TTC28: variants seen among roughly 807,000 people sequenced by gnomAD.
TTC28 encodes the protein tetratricopeptide repeat protein 28.
Under a neutral mutation model 198.0 loss-of-function variants are expected in TTC28, and 61 were observed. That is an observed-to-expected ratio of 0.31 (90% CI 0.25 to 0.38). The LOEUF is 0.38. Ranked by LOEUF, TTC28 falls within the 10% of genes least tolerant of loss-of-function variation. The probability of loss-of-function intolerance (pLI) is 1.00; values close to 1 mark genes in which losing one functional copy is unlikely to be tolerated. For missense variants in TTC28, 2,678 were observed against 3,164.0 expected (o/e 0.85, Z 3.69); for synonymous variants, 1,171 against 1,297.8 (o/e 0.90, Z 2.10).
At chr22:28,608,790 A>C (rs1226719578) in intron 2 of TTC28, among the ~76,000 whole-genome samples, 1 of 152,178 alleles carries the variant, frequency 6.6e-6, no homozygotes, top group Non-Finnish European at 1.5e-5. Flanking sequence ...GCATTTAAGG[A>C]ATCTCTATCA....
At chr22:28,320,264 GT>G (rs112265077) in intron 2 of TTC28, among the ~76,000 whole-genome samples, 154 of 141,054 alleles carry the variant, frequency 1.1e-3, no homozygotes, top group African/African-American at 1.1e-3. Flanking sequence ...AATTCTCTAG[GT>G]TTTTTTTTTT....
chr22:28,209,857 C>T (rs996120215), intron 5 of TTC28, among the ~76,000 whole-genome samples: 2 of 152,182 alleles, frequency 1.3e-5, no homozygotes, highest in African/African-American at 2.4e-5. Context: ...GTTCCTAACC[C>T]CTGAGTAGTC....
intron 6 of TTC28, among the ~76,000 whole-genome samples, chr22:28,156,016 T>C (rs1943740822): frequency 6.6e-6 from 1 of 152,180 alleles, no homozygotes; most frequent in Non-Finnish European, 1.5e-5. Flanking sequence ...AGAAAATGTA[T>C]TTGGCAACTG....
chr22:28,400,192 G>T (rs1170513471), intron 2 of TTC28, among the ~76,000 whole-genome samples: 2 of 151,990 alleles, frequency 1.3e-5, no homozygotes, highest in African/African-American at 2.4e-5. Flanking sequence ...ATTCAAGATG[G>T]ACTCCAGCTG....
At chr22:28,001,860 C>T (rs1027310469) in intron 14 of TTC28, 4 of 330,488 alleles carry the variant, frequency 1.2e-5, no homozygotes, top group South Asian at 7.3e-5. Flanking sequence ...CGGTCTGTAC[C>T]GCACAGGCAC....
intron 6 of TTC28, among the ~76,000 whole-genome samples, chr22:28,157,173 C>G (rs1026311835): frequency 1.3e-5 from 2 of 152,132 alleles, no homozygotes; most frequent in African/African-American, 4.8e-5. Flanking sequence ...CTATGAGCAA[C>G]TATACACCAA....
intron 2 of TTC28, among the ~76,000 whole-genome samples, chr22:28,626,148 T>C (rs922113884): frequency 6.6e-5 from 10 of 152,000 alleles, no homozygotes; most frequent in African/African-American, 2.4e-4. Flanking sequence ...AGAAGAAACA[T>C]AAAGATAAAT....
intron 2 of TTC28, among the ~76,000 whole-genome samples, chr22:28,556,569 C>T (rs1434766589): frequency 1.3e-5 from 2 of 152,080 alleles, no homozygotes; most frequent in Non-Finnish European, 2.9e-5. Context: ...TTCTCATTGT[C>T]TTTGATGTTC....
chr22:28,295,272 A>G (rs181581058), intron 5 of TTC28, among the ~76,000 whole-genome samples: 7 of 152,330 alleles, frequency 4.6e-5, no homozygotes, highest in Admixed American at 4.6e-4. Context: ...CCATAGTAGA[A>G]TTCTTAGATG....
chr22:28,274,269 T>C (rs981211783), intron 5 of TTC28, among the ~76,000 whole-genome samples: 2 of 152,224 alleles, frequency 1.3e-5, no homozygotes, highest in African/African-American at 4.8e-5. Flanking sequence ...ATTATTTGTG[T>C]ACCTTTCCAT....
Position 28,099,010 on chromosome 22 carries a change from C to T in TTC28, c.3452G>A (p.Arg1151Gln), listed in dbSNP as rs1022737624. 10 of 1,551,912 alleles carry T rather than the reference C, an allele frequency of 6.4e-6. No individual in the cohort carries two copies. The highest frequency in any genetic ancestry group is 8.7e-6 in the Non-Finnish European group (10 of 1,147,040). ...GTCCGTGCTCAGCTGTGCCTCATGTCGGATTGTTTCAAACAAGGCTGATGC... is the reference window on the plus strand; with the variant it reads ...GTCCGTGCTCAGCTGTGCCTCATGTTGGATTGTTTCAAACAAGGCTGATGC... ...YRASALFETIRHEAQLSTDYK... is the reference protein window; with the variant it reads ...YRASALFETIQHEAQLSTDYK... Residue 1151 changes from arginine (R) to glutamine (Q), a missense_variant, in exon 10 of 23, where the codon CGA becomes CAA. Arg to Gln is a conservative substitution (Grantham distance 43). Around this residue, in one of 8 missense-constraint regions of TTC28, gnomAD observed 727 missense variants for 861.9 expected, o/e 0.84. Coordinates refer to ENST00000397906, the MANE Select transcript of TTC28 (RefSeq NM_001145418.2).
At chr22:28,527,371 G>C (rs76033330) in intron 2 of TTC28, among the ~76,000 whole-genome samples, 1 of 152,138 alleles carries the variant, frequency 6.6e-6, no homozygotes, top group African/African-American at 2.4e-5. Flanking sequence ...ATGCATTAAT[G>C]CCGCCTCTTC....
chr22:28,579,674 A>T (rs1275182510), intron 2 of TTC28, among the ~76,000 whole-genome samples: 1 of 151,862 alleles, frequency 6.6e-6, no homozygotes, highest in Non-Finnish European at 1.5e-5. Flanking sequence ...ACACACCCAA[A>T]AAAAACCGAA....
intron 2 of TTC28, among the ~76,000 whole-genome samples, chr22:28,567,510 GTTTTTACC>G (rs2049997500): frequency 3.4e-5 from 1 of 29,012 alleles, no homozygotes; most frequent in African/African-American, 1.2e-4. Flanking sequence ...ATATATATAT[GTTTTTACC>G]TATTAATGAT....
At chr22:28,113,390 C>G (rs571084633) in intron 6 of TTC28, among the ~76,000 whole-genome samples, 1 of 152,268 alleles carries the variant, frequency 6.6e-6, no homozygotes, top group South Asian at 2.1e-4. Context: ...TTCTCAGAGG[C>G]AACATAAGAT....
At chr22:28,615,821 C>A (rs1270301347) in intron 2 of TTC28, among the ~76,000 whole-genome samples, 1 of 152,010 alleles carries the variant, frequency 6.6e-6, no homozygotes, top group African/African-American at 2.4e-5. Context: ...GGAAGGATAG[C>A]ATTAGGAGAA....
chr22:28,111,069 T>A (rs1942467515), intron 6 of TTC28, among the ~76,000 whole-genome samples: 1 of 152,200 alleles, frequency 6.6e-6, no homozygotes, highest in Non-Finnish European at 1.5e-5. Context: ...CATGTTTATA[T>A]TTAAACATAT....
intron 2 of TTC28, among the ~76,000 whole-genome samples, chr22:28,616,113 T>C (rs1044794077): frequency 1.3e-5 from 2 of 152,218 alleles, no homozygotes; most frequent in African/African-American, 4.8e-5. Flanking sequence ...TTCTGGATTC[T>C]TGAGTTCTTA....
chr22:27,996,310 C>T, intron 16 of TTC28, 51 bp from the exon 17 acceptor site: 1 of 1,533,426 alleles, frequency 6.5e-7, no homozygotes, highest in Non-Finnish European at 8.8e-7. Flanking sequence ...AGACCCCCAG[C>T]CCCACCCCGG....
Sources: gnomAD v4.1 joint callset for allele counts (sites outside exome capture counted in the v4.1 genomes callset) on GRCh38, gnomAD v4.1.1 for gene constraint, gnomAD v4.1.1 regional missense constraint, MANE v1.5 for transcripts, NCBI Gene and HGNC (gene_info 2026-07-23, HGNC 2026-07-21) for gene names.